LRRN2: variants seen among roughly 807,000 people sequenced by gnomAD.
LRRN2 encodes the protein leucine rich repeat neuronal 2.
Under a neutral mutation model 35.7 loss-of-function variants are expected in LRRN2, and 10 were observed. That is an observed-to-expected ratio of 0.28 (90% CI 0.17 to 0.47). The LOEUF (loss-of-function observed/expected upper bound fraction) is 0.47. LRRN2 is among the 20% of genes least tolerant of loss of function. The pLI is 0.99. For synonymous variants in LRRN2, 391 were observed against 409.6 expected (o/e 0.95, Z 0.55); for missense variants, 731 against 940.3 (o/e 0.78, Z 2.91).
rs1666492013 is a variant in LRRN2 at position 204,618,050 on chromosome 1, GCCGC to G, written c.1939_1942del (p.Ala647ProfsTer104). ...CCTGGGTTGGCCTGTGCCAAGGTGG[GCCGC>G]TAGCCCAGCTGCCAGGAGAAGGACA... is the stretch of plus-strand genomic sequence containing the variant. On this transcript the variant is annotated frameshift_variant, in exon 2 of 2. Coordinates refer to ENST00000367177, the MANE Select transcript of LRRN2 (RefSeq NM_201630.2). LOFTEE classifies it low-confidence loss of function (END_TRUNC). 1 of 1,613,012 alleles carries G rather than the reference GCCGC, an allele frequency of 6.2e-7. No individual in the cohort carries two copies. The highest frequency in any genetic ancestry group is 1.3e-5 in the African/African-American group (1 of 74,942).
chr1:204,639,073 C>T (rs1667918078), intron 1 of LRRN2, among the ~76,000 whole-genome samples: 1 of 152,198 alleles, frequency 6.6e-6, no homozygotes, highest in Non-Finnish European at 1.5e-5. Context: ...GGCGATAGGC[C>T]TCTAGGAGGC....
chr1:204,650,102 A>G (rs2102608211), intron 1 of LRRN2, among the ~76,000 whole-genome samples: 1 of 152,328 alleles, frequency 6.6e-6, no homozygotes, highest in Non-Finnish European at 1.5e-5. Flanking sequence ...GCCCTGTGCC[A>G]GCCCAAAAAC....
Position 204,670,728 on chromosome 1 carries a change from CA to C in LRRN2, c.-227+14591del, listed in dbSNP as rs34945535. 1.4e-3 allele frequency among the ~76,000 whole-genome samples: 215 copies of C among 148,528 alleles called. 4 individuals carry two copies. In the Middle Eastern group the frequency reaches 0.021, roughly 14 times the overall value. On this transcript the variant is annotated intron_variant, in intron 1 of 1. Coordinates refer to ENST00000367177, the MANE Select transcript of LRRN2 (RefSeq NM_201630.2). ...GAGAAGCCAAGGGAAAAGAAAGTGTCAAAAAAAAAAATGAGTGGAAAATGCT... is the reference window on the plus strand; with the variant it reads ...GAGAAGCCAAGGGAAAAGAAAGTGTCAAAAAAAAAATGAGTGGAAAATGCT...
rs756299261 is a variant in LRRN2, at chr1:204,617,965, G to A, written c.2028C>T (p.Ala676=). 22 of 1,613,818 alleles carry A rather than the reference G, an allele frequency of 1.4e-5. No individual in the cohort carries two copies. The highest frequency in any genetic ancestry group is 1.8e-5 in the Non-Finnish European group (21 of 1,180,022). The change falls in exon 2 of 2, where the codon GCC becomes GCT. Residue 676 remains alanine (A), a synonymous_variant. Coordinates refer to ENST00000367177, the MANE Select transcript of LRRN2 (RefSeq NM_201630.2). ...PPAWAFWGWS[A]PSVRVVSAPL... is the part of the protein sequence containing the mutation. Reference sequence around the variant, plus strand: ...GAGCAGACACAACCCGGACAGAAGGGGCACTCCAGCCCCAGAAAGCCCAGG... The same window carrying A: ...GAGCAGACACAACCCGGACAGAAGGAGCACTCCAGCCCCAGAAAGCCCAGG...
chr1:204,671,949 G>A (rs1668724328), intron 1 of LRRN2, among the ~76,000 whole-genome samples: 1 of 152,188 alleles, frequency 6.6e-6, no homozygotes, highest in Non-Finnish European at 1.5e-5. Flanking sequence ...TGGGGTAGAA[G>A]AAGCTGTCCA....
chr1:204,649,833 G>T (rs1428610769), intron 1 of LRRN2, among the ~76,000 whole-genome samples: 1 of 152,158 alleles, frequency 6.6e-6, no homozygotes, highest in Non-Finnish European at 1.5e-5. Flanking sequence ...GGCAGTAGGG[G>T]GTATGGGGAG....
intron 1 of LRRN2, among the ~76,000 whole-genome samples, chr1:204,637,914 G>T (rs947203222): frequency 9.2e-5 from 14 of 152,196 alleles, no homozygotes; most frequent in African/African-American, 3.4e-4. Context: ...TGAGTTAAAG[G>T]CATTTTATTA....
Position 204,674,036 on chromosome 1 carries a change from C to T in LRRN2, c.-227+11284G>A, listed in dbSNP as rs182479570. Among the ~76,000 whole-genome samples, 276 of 152,236 alleles carry T rather than the reference C, an allele frequency of 1.8e-3. 2 individuals carry two copies. Among genetic ancestry groups the T allele is most frequent in the African/African-American group, 6.3e-3 (260 of 41,524 alleles). On this transcript the variant is annotated intron_variant, in intron 1 of 1. Transcript: ENST00000367177. ...TGGTCTGACCTGCCACGTTTGAATG[C>T]GGCTGTCAGCCCCCCATGCCTGCCC... is the stretch of plus-strand genomic sequence containing the variant.
intron 1 of LRRN2, among the ~76,000 whole-genome samples, chr1:204,650,594 C>T (rs1210526144): frequency 6.6e-6 from 1 of 152,166 alleles, no homozygotes; most frequent in Non-Finnish European, 1.5e-5. Flanking sequence ...GTTGCTTTGC[C>T]TACCTGATGC....
chr1:204,619,613 T>A lies in LRRN2; in HGVS notation c.380A>T (p.Asn127Ile). 1 of 1,614,170 alleles carries A rather than the reference T, an allele frequency of 6.2e-7. No homozygotes were observed. Among genetic ancestry groups the A allele is most frequent in the Non-Finnish European group, 8.5e-7 (1 of 1,180,028 alleles). ...PQLLSLHLEE[N>I]QLTRLEDHSF... ...GTGGTCCTCCAGCCGGGTCAGCTGG[T>A]TCTCCTCTAGGTGCAGGCTCAGCAG... is the stretch of plus-strand genomic sequence containing the variant. Residue 127 changes from asparagine to isoleucine, a missense_variant, in exon 2 of 2, where the codon AAC (asparagine) becomes ATC (isoleucine). This residue lies in a region of LRRN2 where 246 missense variants were observed against 289.5 expected (regional missense o/e 0.85). Coordinates refer to ENST00000367177, the MANE Select transcript of LRRN2 (RefSeq NM_201630.2).
At chr1:204,651,213 G>T (rs1668216842) in intron 1 of LRRN2, among the ~76,000 whole-genome samples, 1 of 152,132 alleles carries the variant, frequency 6.6e-6, no homozygotes, top group South Asian at 2.1e-4. Flanking sequence ...ATGGAAACAG[G>T]GACCTCAGTC....
At chr1:204,682,475 A>G (rs1320156792) in intron 1 of LRRN2, among the ~76,000 whole-genome samples, 1 of 152,232 alleles carries the variant, frequency 6.6e-6, no homozygotes, top group Admixed American at 6.5e-5. Context: ...GGCCAAATCA[A>G]CTGCAGATAC....
At chr1:204,663,609 T>A (rs983647859) in intron 1 of LRRN2, among the ~76,000 whole-genome samples, 1 of 152,132 alleles carries the variant, frequency 6.6e-6, no homozygotes, top group Admixed American at 6.6e-5. Flanking sequence ...ATTGTCCAAG[T>A]CAGACCTAAT....
Position 204,619,364 on chromosome 1 carries a change from CG to C in LRRN2, c.628del (p.Arg210GlyfsTer11). The C allele has an allele frequency of 6.2e-7, 1 of 1,614,212 alleles. No individual in the cohort carries two copies. Among genetic ancestry groups the C allele is most frequent in the South Asian group, 1.1e-5 (1 of 91,088 alleles). Reference protein sequence around the residue: ...KVDAILDMNFRPLANLRSLVL... With the variant: ...KVDAILDMNFXPLANLRSLVL... ...CAGGCTACGCAGGTTGGCCAGGGGC[CG>C]GAAGTTCATGTCCAGGATGGCATCT... On this transcript the variant is annotated frameshift_variant, in exon 2 of 2. Coordinates refer to ENST00000367177, the MANE Select transcript of LRRN2 (RefSeq NM_201630.2). LOFTEE classifies it high-confidence loss of function.
chr1:204,638,698 C>T (rs1667906264), intron 1 of LRRN2, among the ~76,000 whole-genome samples: 1 of 152,186 alleles, frequency 6.6e-6, no homozygotes, highest in Non-Finnish European at 1.5e-5. Context: ...GCGTGAGCCA[C>T]CGCGCCCGGC....
intron 1 of LRRN2, among the ~76,000 whole-genome samples, chr1:204,677,526 G>C (rs542988735): frequency 6.9e-4 from 105 of 152,226 alleles, no homozygotes; most frequent in African/African-American, 2.5e-3. Flanking sequence ...TATCTGAAAC[G>C]ACCAGGAATG....
intron 1 of LRRN2, among the ~76,000 whole-genome samples, chr1:204,670,752 G>T (rs753804814): frequency 5.9e-5 from 9 of 151,790 alleles, no homozygotes; most frequent in Non-Finnish European, 1.3e-4. Context: ...AGTGGAAAAT[G>T]CTTCTGAGAA....
At chr1:204,627,832 TCC>T (rs1239246540) in intron 1 of LRRN2, among the ~76,000 whole-genome samples, 2 of 152,164 alleles carry the variant, frequency 1.3e-5, no homozygotes, top group Non-Finnish European at 1.5e-5. Flanking sequence ...GCTTGCTGTC[TCC>T]CCGACCAGAC....
At chr1:204,682,241 G>C (rs1005774038) in intron 1 of LRRN2, among the ~76,000 whole-genome samples, 1 of 152,172 alleles carries the variant, frequency 6.6e-6, no homozygotes, top group Non-Finnish European at 1.5e-5. Flanking sequence ...ACCTGTGTAG[G>C]ATGACACAGG....
Sources: allele counts gnomAD v4.1 joint callset (sites outside exome capture counted in the v4.1 genomes callset), GRCh38; gene constraint gnomAD v4.1.1; regional missense constraint gnomAD v4.1.1; transcripts MANE v1.5; gene names NCBI Gene and HGNC (gene_info 2026-07-23, HGNC 2026-07-21).